Variants in TBKBP1 observed in about 807,000 individuals in gnomAD.
TBKBP1 encodes TANK-binding kinase 1-binding protein 1.
Under a neutral mutation model 69.9 loss-of-function variants are expected in TBKBP1, and 47 were observed. That is an observed-to-expected ratio of 0.67 (90% confidence interval 0.53 to 0.86). TBKBP1 has a LOEUF of 0.86. Ranked by LOEUF, TBKBP1 falls within the 40% of genes least tolerant of loss-of-function variation. The probability of loss-of-function intolerance (pLI) is 0.00; values close to 1 mark genes in which losing one functional copy is unlikely to be tolerated. For synonymous variants in TBKBP1, 418 were observed against 390.3 expected (o/e 1.07, Z -0.84); for missense variants, 831 against 858.6 (o/e 0.97, Z 0.40).
chr17:47,697,916 T>C (rs2031312906), intron 4 of TBKBP1, among the ~76,000 whole-genome samples: 2 of 123,870 alleles, frequency 1.6e-5, no homozygotes, highest in South Asian at 5.2e-4. Context: ...GCCACTGCAC[T>C]CCAGCCTGGG....
upstream of TBKBP1, chr17:47,694,092 G>A (rs1285705447): frequency 2.7e-5 from 3 of 109,704 alleles, no homozygotes; most frequent in Non-Finnish European, 5.7e-5. Context: ...ACAGGGCGAG[G>A]AGCAGAGCGC....
In TBKBP1 at chr17:47,710,650, G is replaced by A. The variant is rs1463971292; in HGVS notation, c.*24G>A. 2.5e-6 allele frequency: 4 copies of A among 1,587,080 alleles called. No individual in the cohort carries two copies. The highest frequency in any genetic ancestry group is 3.5e-6 in the Non-Finnish European group (4 of 1,158,598). On this transcript the variant is annotated 3_prime_UTR_variant, in exon 10 of 10. Coordinates refer to ENST00000578982, the MANE Select transcript of TBKBP1 (RefSeq NM_001394755.1). ...AGGGCACCAGCCCCACCCACTGGCT[G>A]TTTCTCCGTCCTCTCCTATCACCCC...
Position 47,709,400 on chromosome 17 carries a change from C to G in TBKBP1, c.1667C>G (p.Ala556Gly). 6.5e-7 allele frequency: 1 copy of G among 1,537,562 alleles called. No homozygotes were observed. The highest frequency in any genetic ancestry group is 1.4e-5 in the African/African-American group (1 of 72,004). Reference protein sequence around the residue: ...CAGFPIPESPAATAYAHAEHA... With the variant: ...CAGFPIPESPGATAYAHAEHA... ...GGCTTCCCCATCCCCGAGTCGCCCG[C>G]CGCCACCGCCTACGCCCACGCCGAG... The change falls in exon 9 of 10, where the codon GCC (alanine) becomes GGC (glycine). Residue 556 changes from alanine to glycine, a missense_variant. Coordinates refer to ENST00000578982, the MANE Select transcript of TBKBP1 (RefSeq NM_001394755.1).
Position 47,696,219 on chromosome 17 carries a change from T to G in TBKBP1, c.107T>G (p.Met36Arg). Residue 36 changes from methionine to arginine, a missense_variant, in exon 2 of 10, where the codon ATG becomes AGG. Physicochemically the swap from Met to Arg is moderately conservative, Grantham distance 91 (BLOSUM62 -1). Coordinates refer to ENST00000578982, the MANE Select transcript of TBKBP1 (RefSeq NM_001394755.1). Reference protein sequence around the residue: ...SPGDPSLGGDMCSASHFALIT... With the variant: ...SPGDPSLGGDRCSASHFALIT... ...GGAGACCCCTCGCTTGGGGGCGACA[T>G]GTGCTCCGCCTCCCACTTTGCCCTC... 1 of 1,613,606 alleles carries G rather than the reference T, an allele frequency of 6.2e-7. No homozygotes were observed. Among genetic ancestry groups the G allele is most frequent in the Non-Finnish European group, 8.5e-7 (1 of 1,179,812 alleles).
Position 47,709,305 on chromosome 17 carries a change from C to A in TBKBP1, c.1572C>A (p.Asp524Glu). Residue 524 changes from aspartate to glutamate, a missense_variant, in exon 9 of 10, where the codon GAC becomes GAA. Coordinates refer to ENST00000578982, the MANE Select transcript of TBKBP1 (RefSeq NM_001394755.1). ...TCGAGAAGCAGCCGTCGGAGGAGGA[C>A]GAGTGGGCTGTGCCCACCAGCCCGC... Reference protein sequence around the residue: ...LRFEKQPSEEDEWAVPTSPPS... With the variant: ...LRFEKQPSEEEEWAVPTSPPS... The A allele has an allele frequency of 1.3e-6, 2 of 1,529,688 alleles. No homozygotes were observed. The highest frequency in any genetic ancestry group is 1.7e-6 in the Non-Finnish European group (2 of 1,145,796). 94.8% of individuals were successfully genotyped at this position (1,529,688 alleles called of 1,614,324 possible). A position where few individuals can be genotyped will look rare whatever the true frequency, so the allele number is the denominator to read the frequency against.
chr17:47,711,281 G>A lies in TBKBP1; in HGVS notation c.*655G>A, dbSNP rs960731379. 1.3e-5 allele frequency: 2 copies of A among 153,156 alleles called. No individual in the cohort carries two copies. Among genetic ancestry groups the A allele is most frequent in the Non-Finnish European group, 2.9e-5 (2 of 68,452 alleles). 9.5% of individuals were successfully genotyped at this position (153,156 alleles called of 1,614,324 possible). A position where few individuals can be genotyped will look rare whatever the true frequency, so the allele number is the denominator to read the frequency against. ...GAGAGGAGAGGAGAGGGAGGATCCT[G>A]GAGGACTGGGAAGATCTAGCCTAAA... On this transcript the variant is annotated 3_prime_UTR_variant, in exon 10 of 10. Transcript: ENST00000578982.
In TBKBP1 at chr17:47,699,346, G is replaced by T; in HGVS notation, c.661G>T (p.Val221Leu). The T allele has an allele frequency of 6.5e-7, 1 of 1,546,724 alleles. No individual in the cohort carries two copies. Among genetic ancestry groups the T allele is most frequent in the Admixed American group, 2.1e-5 (1 of 48,320 alleles). ...AGGCTGGCCGGGCTCCACACCCAGT[G>T]TGAGTGACCTGGAGCGGCGGCGGCT... Reference protein sequence around the residue: ...HAGWPGSTPSVSDLERRRLEE... With the variant: ...HAGWPGSTPSLSDLERRRLEE... The change falls in exon 6 of 10, where the codon GTG (valine) becomes TTG (leucine). Residue 221 changes from valine to leucine, a missense_variant. Physicochemically the swap from Val to Leu is conservative, Grantham distance 32. Coordinates refer to ENST00000578982, the MANE Select transcript of TBKBP1 (RefSeq NM_001394755.1).
chr17:47,710,681 A>C lies in TBKBP1; in HGVS notation c.*55A>C. The C allele has an allele frequency of 1.3e-6, 2 of 1,553,188 alleles. No homozygotes were observed. Among genetic ancestry groups the C allele is most frequent in the African/African-American group, 1.4e-5 (1 of 73,372 alleles). On this transcript the variant is annotated 3_prime_UTR_variant, in exon 10 of 10. Transcript: ENST00000578982. Reference sequence around the variant, plus strand: ...CCGTCCTCTCCTATCACCCCCAAACACTCACTTTGAATGCTGCATGAATCT... The same window carrying C: ...CCGTCCTCTCCTATCACCCCCAAACCCTCACTTTGAATGCTGCATGAATCT...
At chr17:47,700,809 G>A (rs2031471738) in intron 7 of TBKBP1, among the ~76,000 whole-genome samples, 1 of 152,116 alleles carries the variant, frequency 6.6e-6, no homozygotes, top group African/African-American at 2.4e-5. Flanking sequence ...TGTTGGTGGG[G>A]GGCCCAGTGC....
intron 1 of TBKBP1, 163 bp from the exon 2 acceptor site, chr17:47,695,916 T>G: frequency 1.8e-6 from 1 of 554,856 alleles, no homozygotes; most frequent in Middle Eastern, 4.8e-4. Context: ...AGGATGGGGC[T>G]GAGGAGTCTG....
Position 47,696,574 on chromosome 17 carries a change from G to T in TBKBP1, c.226-137G>T. 2.9e-6 allele frequency: 4 copies of T among 1,389,670 alleles called. No homozygotes were observed. In the South Asian group the frequency reaches 5.0e-5, roughly 17 times the overall value. 86.1% of individuals were successfully genotyped at this position (1,389,670 alleles called of 1,614,324 possible). ...GGGTGGGAGATGGCTACAGACCCAT[G>T]GGAATTGGGATCCCACTAGCCAAGG... On this transcript the variant is annotated intron_variant, in intron 2 of 9. Coordinates refer to ENST00000578982, the MANE Select transcript of TBKBP1 (RefSeq NM_001394755.1).
chr17:47,700,140 C>G (rs1391930505), intron 7 of TBKBP1, among the ~76,000 whole-genome samples: 1 of 151,618 alleles, frequency 6.6e-6, no homozygotes, highest in African/African-American at 2.4e-5. Flanking sequence ...GCGCTCGCCA[C>G]TACGCCTGGC....
rs1419796046 is a variant in TBKBP1, at chr17:47,696,095, C to T, written c.-18C>T. 4 of 1,592,554 alleles carry T rather than the reference C, an allele frequency of 2.5e-6. No homozygotes were observed. The highest frequency in any genetic ancestry group is 2.2e-5 in the South Asian group (2 of 89,544). ...CTCTCCTAGGAGGCCCCGTGTGGGC[C>T]GCGGCCCGGCCCTCACCATGGAGTC... On this transcript the variant is annotated 5_prime_UTR_variant, in exon 2 of 10. Transcript: ENST00000578982.
chr17:47,710,673 C>T lies in TBKBP1; in HGVS notation c.*47C>T. On this transcript the variant is annotated 3_prime_UTR_variant, in exon 10 of 10. Transcript: ENST00000578982. ...CTGTTTCTCCGTCCTCTCCTATCAC[C>T]CCCAAACACTCACTTTGAATGCTGC... 2 of 1,572,754 alleles carry T rather than the reference C, an allele frequency of 1.3e-6. No individual in the cohort carries two copies. Among genetic ancestry groups the T allele is most frequent in the Non-Finnish European group, 8.7e-7 (1 of 1,149,732 alleles).
chr17:47,697,388 G>A (rs1479264187), intron 4 of TBKBP1, among the ~76,000 whole-genome samples, 195 bp downstream of exon 4: 1 of 152,218 alleles, frequency 6.6e-6, no homozygotes, highest in African/African-American at 2.4e-5. Context: ...GAGGGAGACT[G>A]CATGTGTTAT....
At chr17:47,701,997 A>T (rs1371671528) in intron 7 of TBKBP1, among the ~76,000 whole-genome samples, 13 of 152,148 alleles carry the variant, frequency 8.5e-5, no homozygotes, top group African/African-American at 3.1e-4. Flanking sequence ...GCCCAGCCAC[A>T]CGCTTCCTTT....
rs1270531541 is a variant in TBKBP1, at chr17:47,710,709, T to TG, written c.*89dup. On this transcript the variant is annotated 3_prime_UTR_variant, in exon 10 of 10. Transcript: ENST00000578982. ...CACTTTGAATGCTGCATGAATCTCG[T>TG]GGGGGGTCCCTGCCCTTGCGACCCC... 7.2e-6 allele frequency: 11 copies of TG among 1,529,322 alleles called. No homozygotes were observed. Among genetic ancestry groups the TG allele is most frequent in the African/African-American group, 2.7e-5 (2 of 73,302 alleles). 94.7% of individuals were successfully genotyped at this position (1,529,322 alleles called of 1,614,324 possible). A position where few individuals can be genotyped will look rare whatever the true frequency, so the allele number is the denominator to read the frequency against.
Position 47,710,799 on chromosome 17 carries a change from G to A in TBKBP1, c.*173G>A, listed in dbSNP as rs2031899595. On this transcript the variant is annotated 3_prime_UTR_variant, in exon 10 of 10. Coordinates refer to ENST00000578982, the MANE Select transcript of TBKBP1 (RefSeq NM_001394755.1). ...TCTTCCCTGGTCCAGGCACCACTCA[G>A]CTCTGGCTCTTCCTGGGAGGTCAGC... 4 of 932,830 alleles carry A rather than the reference G, an allele frequency of 4.3e-6. No homozygotes were observed. The East Asian group carries it at 8.4e-5, about 20-fold the overall frequency. 57.8% of individuals were successfully genotyped at this position (932,830 alleles called of 1,614,324 possible). A position where few individuals can be genotyped will look rare whatever the true frequency, so the allele number is the denominator to read the frequency against.
intron 7 of TBKBP1, among the ~76,000 whole-genome samples, chr17:47,704,088 G>A (rs911389777): frequency 2.0e-5 from 3 of 152,192 alleles, no homozygotes; most frequent in East Asian, 1.9e-4. Context: ...GGCAACTAGC[G>A]TGAACTGGGA....
Sources: gnomAD v4.1 joint callset for allele counts (sites outside exome capture counted in the v4.1 genomes callset) on GRCh38, gnomAD v4.1.1 for gene constraint, MANE v1.5 for transcripts, NCBI Gene and HGNC (gene_info 2026-07-23, HGNC 2026-07-21) for gene names.